The following MBNL1 variants were observed in gnomAD, a reference collection of about 807,000 sequenced individuals.
MBNL1 encodes the protein muscleblind like splicing regulator 1.
Under a neutral mutation model 42.2 loss-of-function variants are expected in MBNL1, and 8 were observed. The ratio of observed to expected loss-of-function variants is 0.19; its 90% CI spans 0.11 to 0.34. The LOEUF is 0.34. MBNL1 is among the 10% of genes least tolerant of loss of function. MBNL1 has a pLI of 1.00. For missense variants in MBNL1, 309 were observed against 495.3 expected, an observed-to-expected ratio of 0.62 and a Z score of 3.57; for synonymous variants, 169 against 173.9, an observed-to-expected ratio of 0.97 and a Z score of 0.22.
intron 2 of MBNL1, among the ~76,000 whole-genome samples, chr3:152,343,844 A>G (rs997117566): frequency 6.6e-6 from 1 of 152,242 alleles, no homozygotes; most frequent in African/African-American, 2.4e-5. Context: ...TTTTTCATAC[A>G]GTGAAAAATA....
chr3:152,248,589 C>G (rs2033720728), intron 2 of MBNL1, among the ~76,000 whole-genome samples: 1 of 151,242 alleles, frequency 6.6e-6, no homozygotes, highest in Non-Finnish European at 1.5e-5. Context: ...TAGAGATAAT[C>G]TCTTATTTTT....
chr3:152,392,771 C>G (rs957424169), intron 2 of MBNL1, among the ~76,000 whole-genome samples: 1 of 152,132 alleles, frequency 6.6e-6, no homozygotes, highest in Admixed American at 6.5e-5. Context: ...TCTGGCAATA[C>G]AAACACGTTC....
intron 2 of MBNL1, among the ~76,000 whole-genome samples, chr3:152,336,193 A>G (rs1221767272): frequency 7.5e-6 from 1 of 134,226 alleles, no homozygotes; most frequent in Non-Finnish European, 1.8e-5. Context: ...GAAGAGCTTC[A>G]TAAGTGAATA....
chr3:152,364,756 A>G (rs934814017), intron 2 of MBNL1, among the ~76,000 whole-genome samples: 1 of 152,014 alleles, frequency 6.6e-6, no homozygotes, highest in Admixed American at 6.6e-5. Flanking sequence ...CCTGAGGGGA[A>G]AAAAAATTGG....
At chr3:152,350,754 C>G (rs991827958) in intron 2 of MBNL1, among the ~76,000 whole-genome samples, 2 of 152,090 alleles carry the variant, frequency 1.3e-5, no homozygotes, top group Non-Finnish European at 2.9e-5. Context: ...GCATTTTGGT[C>G]ATCCTTGTCA....
At chr3:152,445,225 C>G in intron 4 of MBNL1, 57 bp from the exon 5 acceptor site, 2 of 1,503,092 alleles carry the variant, frequency 1.3e-6, no homozygotes, top group Non-Finnish European at 1.8e-6. Context: ...TTAAAATCTT[C>G]AGAAAGCTTC....
intron 1 of MBNL1, chr3:152,269,385 C>A: frequency 2.7e-6 from 1 of 364,192 alleles, no homozygotes; most frequent in Non-Finnish European, 5.5e-6. Flanking sequence ...CAGGGAGAAA[C>A]AGGGGGGCGA....
chr3:152,306,692 A>G (rs913095006), intron 2 of MBNL1, among the ~76,000 whole-genome samples: 1 of 152,168 alleles, frequency 6.6e-6, no homozygotes, highest in African/African-American at 2.4e-5. Context: ...GGTAAGACAG[A>G]AGGGGAGAAT....
intron 2 of MBNL1, among the ~76,000 whole-genome samples, chr3:152,373,337 T>G (rs2096755289): frequency 1.1e-4 from 11 of 100,354 alleles, no homozygotes; most frequent in Admixed American, 1.2e-4. Context: ...GTCACTGGGG[T>G]ATGGAAAAAA....
chr3:152,388,867 A>G (rs942736394), intron 2 of MBNL1, among the ~76,000 whole-genome samples: 3 of 152,208 alleles, frequency 2.0e-5, no homozygotes, highest in Non-Finnish European at 4.4e-5. Flanking sequence ...ATCACACACA[A>G]TGAATCATGT....
At chr3:152,297,253 T>TG (rs1011073895) in intron 1 of MBNL1, among the ~76,000 whole-genome samples, 4 of 140,274 alleles carry the variant, frequency 2.9e-5, no homozygotes, top group East Asian at 2.2e-4. Flanking sequence ...ACTGGACCTT[T>TG]GTTTTTTTTT....
At chr3:152,290,601 A>G (rs12492498) in intron 1 of MBNL1, among the ~76,000 whole-genome samples, 47,734 of 151,922 alleles carry the variant, frequency 0.31, 7,842 homozygotes, top group East Asian at 0.54. Flanking sequence ...GCACAGATGA[A>G]TTTGCTACCA....
At chr3:152,387,296 C>T (rs898506381) in intron 2 of MBNL1, among the ~76,000 whole-genome samples, 2 of 150,496 alleles carry the variant, frequency 1.3e-5, no homozygotes, top group Admixed American at 1.3e-4. Flanking sequence ...GTAGCATAAC[C>T]CTGCACCAAG....
chr3:152,304,888 T>A (rs965941453), intron 2 of MBNL1, among the ~76,000 whole-genome samples: 1 of 152,180 alleles, frequency 6.6e-6, no homozygotes, highest in Non-Finnish European at 1.5e-5. Context: ...AACTTTTTTT[T>A]ATGAGTAAAG....
rs968016200 is a variant in MBNL1 at position 152,360,772 on chromosome 3, AGTT to A, written c.175-54165_175-54163del. Among the ~76,000 whole-genome samples the A allele has an allele frequency of 1.8e-3, 269 of 152,314 alleles. 2 individuals carry two copies. Among genetic ancestry groups the A allele is most frequent in the African/African-American group, 6.0e-3 (250 of 41,574 alleles). On this transcript the variant is annotated intron_variant, in intron 2 of 9. Transcript: ENST00000324210. ...CATATACCATTCAAGTAGATTTTCC[AGTT>A]GTTAACATTTTGCTGACACTCTCCG...
intron 2 of MBNL1, among the ~76,000 whole-genome samples, chr3:152,346,008 T>A (rs1392089077): frequency 1.3e-5 from 2 of 152,128 alleles, no homozygotes; most frequent in Non-Finnish European, 2.9e-5. Flanking sequence ...CAGAAGTGGT[T>A]ATTTAGCTTC....
At chr3:152,346,417 T>C (rs2094247513) in intron 2 of MBNL1, among the ~76,000 whole-genome samples, 2 of 152,280 alleles carry the variant, frequency 1.3e-5, no homozygotes, top group Middle Eastern at 3.4e-3. Flanking sequence ...ACATTATTTT[T>C]AAAAACGCAG....
At chr3:152,355,798 T>C (rs548958917) in intron 2 of MBNL1, among the ~76,000 whole-genome samples, 75 of 152,338 alleles carry the variant, frequency 4.9e-4, no homozygotes, top group Non-Finnish European at 1.0e-3. Flanking sequence ...AATTATCTAC[T>C]AAGTGTGTGA....
chr3:152,388,455 A>G (rs185100080), intron 2 of MBNL1, among the ~76,000 whole-genome samples: 6 of 152,324 alleles, frequency 3.9e-5, no homozygotes, highest in Non-Finnish European at 5.9e-5. Context: ...TTCAGCTTTT[A>G]TTAACCCTAC....
Sources: allele counts gnomAD v4.1 joint callset (sites outside exome capture counted in the v4.1 genomes callset), GRCh38; gene constraint gnomAD v4.1.1; transcripts MANE v1.5; gene names NCBI Gene and HGNC (gene_info 2026-07-23, HGNC 2026-07-21).